The following ARMH3 variants were observed in gnomAD, a reference collection of about 807,000 sequenced individuals.
The protein encoded by ARMH3 is armadillo like helical domain containing 3.
Under a neutral mutation model 99.1 loss-of-function variants are expected in ARMH3, and 60 were observed. The ratio of observed to expected loss-of-function variants is 0.61; its 90% CI spans 0.49 to 0.75. The LOEUF is 0.75. ARMH3 is among the 30% of genes least tolerant of loss of function. The probability of loss-of-function intolerance (pLI) is 0.00; values close to 1 mark genes in which losing one functional copy is unlikely to be tolerated. For synonymous variants in ARMH3, 285 were observed against 292.8 expected, an observed-to-expected ratio of 0.97 and a Z score of 0.27; for missense variants, 679 against 843.1, an observed-to-expected ratio of 0.81 and a Z score of 2.41.
intron 24 of ARMH3, among the ~76,000 whole-genome samples, chr10:101,883,058 G>A (rs1360464567): frequency 2.0e-5 from 3 of 152,120 alleles, no homozygotes; most frequent in Admixed American, 6.5e-5. Context: ...CCTCTAGCAC[G>A]TACGTGGATG....
In ARMH3 at chr10:101,888,663, C is replaced by T. The variant is rs889779547; in HGVS notation, c.1860+749G>A. ...TCTTCCTACTGGCTTGGGGTCTATA[C>T]CCTGGCCCCTCCAATTTGGGAGTAG... is the stretch of plus-strand genomic sequence containing the variant. On this transcript the variant is annotated intron_variant, in intron 24 of 25. Coordinates refer to ENST00000370033, the MANE Select transcript of ARMH3 (RefSeq NM_024541.3). 3.3e-5 allele frequency among the ~76,000 whole-genome samples: 5 copies of T among 152,178 alleles called. No homozygotes were observed. The East Asian group carries it at 9.6e-4, about 29-fold the overall frequency.
At chr10:102,041,213 G>A (rs1590226399) in intron 1 of ARMH3, among the ~76,000 whole-genome samples, 2 of 150,360 alleles carry the variant, frequency 1.3e-5, no homozygotes, top group East Asian at 2.0e-4. Context: ...CTTGCTTCAC[G>A]GAATTCTCGA....
chr10:101,861,280 C>T (rs2066860479), intron 24 of ARMH3, among the ~76,000 whole-genome samples: 5 of 152,008 alleles, frequency 3.3e-5, no homozygotes, highest in Middle Eastern at 3.4e-3. Context: ...AGCCAGAAGA[C>T]AATGTAATAA....
chr10:102,026,075 T>C lies in ARMH3; in HGVS notation c.415-827A>G, dbSNP rs530920863. On this transcript the variant is annotated intron_variant, in intron 5 of 25. Coordinates refer to ENST00000370033, the MANE Select transcript of ARMH3 (RefSeq NM_024541.3). ...CAACGAAGCTAACTTGCGTCCATCC[T>C]GGTCTCCGCTTGGCAATGTAATTGG... Among the ~76,000 whole-genome samples, 9 of 152,320 alleles carry C rather than the reference T, an allele frequency of 5.9e-5. No individual in the cohort carries two copies. The South Asian group carries it at 8.3e-4, about 14-fold the overall frequency.
At chr10:101,960,922 A>G (rs1230249935) in intron 20 of ARMH3, among the ~76,000 whole-genome samples, 2 of 151,956 alleles carry the variant, frequency 1.3e-5, no homozygotes, top group African/African-American at 4.8e-5. Flanking sequence ...GATTAAACAA[A>G]TAAAGGTGCG....
intron 11 of ARMH3, among the ~76,000 whole-genome samples, chr10:102,011,361 G>T (rs141188033): frequency 4.6e-5 from 7 of 152,142 alleles, no homozygotes; most frequent in Non-Finnish European, 5.9e-5. Flanking sequence ...GTGCCTAAAC[G>T]GAGCCAACTC....
chr10:101,884,651 A>C (rs985458178), intron 24 of ARMH3, among the ~76,000 whole-genome samples: 25 of 152,240 alleles, frequency 1.6e-4, no homozygotes, highest in Non-Finnish European at 1.3e-4. Flanking sequence ...TCTAAACATA[A>C]GAGCTAAAAC....
At chr10:101,977,769 A>G (rs1269167550) in intron 19 of ARMH3, among the ~76,000 whole-genome samples, 1 of 152,210 alleles carries the variant, frequency 6.6e-6, no homozygotes, top group Non-Finnish European at 1.5e-5. Flanking sequence ...TATATAAGCC[A>G]GTCTGGCTTT....
chr10:101,926,124 A>G (rs573991481), intron 23 of ARMH3, among the ~76,000 whole-genome samples: 23 of 152,338 alleles, frequency 1.5e-4, no homozygotes, highest in African/African-American at 5.3e-4. Context: ...GCAAGGCCCA[A>G]TAGAAAAGAC....
At chr10:102,037,047 A>G (rs1411853380) in intron 2 of ARMH3, among the ~76,000 whole-genome samples, 1 of 151,768 alleles carries the variant, frequency 6.6e-6, no homozygotes, top group African/African-American at 2.4e-5. Context: ...GCAAGACACC[A>G]CCTCAAAATA....
intron 22 of ARMH3, among the ~76,000 whole-genome samples, chr10:101,951,942 G>A (rs1484549346): frequency 1.3e-5 from 2 of 151,564 alleles, no homozygotes; most frequent in East Asian, 3.9e-4. Flanking sequence ...AGGATGAGGA[G>A]GAGGAAGAAG....
At chr10:101,913,154 C>G (rs538770192) in intron 23 of ARMH3, 1 of 144,292 alleles carries the variant, frequency 6.9e-6, no homozygotes, top group Non-Finnish European at 1.6e-5. Context: ...CTAAGCTTTT[C>G]TTTTCAGTAG....
At chr10:101,892,862 C>T (rs566307774) in intron 23 of ARMH3, among the ~76,000 whole-genome samples, 6 of 152,266 alleles carry the variant, frequency 3.9e-5, no homozygotes, top group South Asian at 2.1e-4. Context: ...AAACCAAATA[C>T]GACAGACATG....
chr10:101,888,670 C>G (rs1219214125), intron 24 of ARMH3, among the ~76,000 whole-genome samples: 1 of 152,186 alleles, frequency 6.6e-6, no homozygotes, highest in Non-Finnish European at 1.5e-5. Context: ...ATACCCTGGC[C>G]CCTCCAATTT....
intron 1 of ARMH3, among the ~76,000 whole-genome samples, chr10:102,047,848 T>C (rs1398994645): frequency 6.6e-6 from 1 of 152,146 alleles, no homozygotes; most frequent in African/African-American, 2.4e-5. Context: ...CAATTTTGCC[T>C]CCCAGGGGAC....
Position 102,050,068 on chromosome 10 carries a change from G to A in ARMH3, c.-12+6017C>T, listed in dbSNP as rs369083171. Among the ~76,000 whole-genome samples the A allele has an allele frequency of 2.7e-4, 41 of 151,482 alleles. No homozygotes were observed. In the East Asian group the frequency reaches 3.7e-3, roughly 14 times the overall value. On this transcript the variant is annotated intron_variant, in intron 1 of 25. Transcript: ENST00000370033. Reference sequence around the variant, plus strand: ...TGAGGCACGAGAATCGCTTGAACCCGGGAGGCGGTGGTTGCAACGAGCTGA... The same window carrying A: ...TGAGGCACGAGAATCGCTTGAACCCAGGAGGCGGTGGTTGCAACGAGCTGA...
intron 13 of ARMH3, among the ~76,000 whole-genome samples, chr10:102,007,215 C>T (rs1326121900): frequency 2.1e-5 from 3 of 145,082 alleles, no homozygotes; most frequent in East Asian, 4.2e-4. Context: ...TTCTGTATTT[C>T]GTTCTCATGA....
intron 22 of ARMH3, among the ~76,000 whole-genome samples, chr10:101,952,358 C>G (rs1360000935): frequency 5.3e-5 from 8 of 151,996 alleles, no homozygotes; most frequent in Non-Finnish European, 1.0e-4. Flanking sequence ...TTCTTGAAAA[C>G]TATCAGGGTC....
chr10:101,850,078 TTCTC>T (rs148630843), intron 24 of ARMH3, among the ~76,000 whole-genome samples, 186 bp from the exon 25 acceptor site: 39 of 146,688 alleles, frequency 2.7e-4, no homozygotes, highest in Non-Finnish European at 2.7e-4. Flanking sequence ...TGGGACCACT[TTCTC>T]TCTCTCTCTT....
Sources: gnomAD v4.1 joint callset for allele counts (sites outside exome capture counted in the v4.1 genomes callset) on GRCh38, gnomAD v4.1.1 for gene constraint, MANE v1.5 for transcripts, NCBI Gene and HGNC (gene_info 2026-07-23, HGNC 2026-07-21) for gene names.